The following WASHC5 variants were observed in gnomAD, a reference collection of about 807,000 sequenced individuals.
WASHC5 encodes the protein WASH complex subunit strumpellin.
A neutral mutation model predicts 150.4 loss-of-function variants in WASHC5; 101 were observed. The observed-to-expected ratio is 0.67, with a 90% CI of 0.57 to 0.79. The LOEUF (loss-of-function observed/expected upper bound fraction) is 0.79. Among genes scored for constraint, WASHC5 ranks in the 30% least tolerant of loss-of-function variants. The pLI is 0.00. For missense variants in WASHC5, 1,195 were observed against 1,396.3 expected, an observed-to-expected ratio of 0.86 and a Z score of 2.30; for synonymous variants, 467 against 491.2, an observed-to-expected ratio of 0.95 and a Z score of 0.65.
At position 125,076,424 on chromosome 8, in the gene WASHC5, T is replaced by G. The variant is rs202223127; in HGVS notation, c.788A>C (p.Tyr263Ser). The change falls in exon 7 of 29, where the codon TAC becomes TCC. Residue 263 changes from tyrosine to serine, a missense_variant. By Grantham distance (144) the Tyr-to-Ser change is moderately radical. Around this residue, in one of 3 missense-constraint regions of WASHC5, gnomAD observed 997 missense variants for 1,168.1 expected, o/e 0.85. Transcript: ENST00000318410. ...NQAAMLYVIL[Y>S]FEPSILHTHQ... is the part of the protein sequence containing the mutation. ...GGTGTGAAGGATGGAAGGCTCAAAG[T>G]AGAGAATCACGTACAGCATGGCAGC... The G allele has an allele frequency of 6.2e-7, 1 of 1,614,026 alleles. No homozygotes were observed. The highest frequency in any genetic ancestry group is 2.2e-5 in the East Asian group (1 of 44,874).
At position 125,058,731 on chromosome 8, in the gene WASHC5, AAAG is replaced by A. The variant is rs920677853; in HGVS notation, c.1764+488_1764+490del. Among the ~76,000 whole-genome samples the A allele has an allele frequency of 1.2e-3, 142 of 122,794 alleles. 3 individuals are homozygous for A. The highest frequency in any genetic ancestry group is 3.5e-3 in the African/African-American group (68 of 19,706). The allele number at this position is 122,794 out of a possible 152,430, so 80.6% of individuals were successfully genotyped here. ...AAGCGAGATTCCATCTCAAAAAAAA[AAAG>A]AAGAAGAAGAAGACACTGAGTAGAC... On this transcript the variant is annotated intron_variant, in intron 14 of 28. Coordinates refer to ENST00000318410, the MANE Select transcript of WASHC5 (RefSeq NM_014846.4).
intron 12 of WASHC5, among the ~76,000 whole-genome samples, chr8:125,060,439 T>C (rs1424203692): frequency 1.3e-5 from 2 of 150,372 alleles, no homozygotes; most frequent in African/African-American, 2.5e-5. Context: ...TGAGCCAAGA[T>C]TGTGCCCCTG....
rs6470334 is a variant in WASHC5 at position 125,078,442 on chromosome 8, T to C, written c.711+296A>G. Among the ~76,000 whole-genome samples, 19,688 of 152,206 alleles carry C rather than the reference T, an allele frequency of 0.13. 3,104 individuals are homozygous for C. Among genetic ancestry groups the C allele is most frequent in the African/African-American group, 0.38 (15,620 of 41,480 alleles). ...TTCTTCGGTGATGGGTCCCCAGCAT[T>C]GCGCATGTGAATGGGCACGTATCAC... is the stretch of plus-strand genomic sequence containing the variant. On this transcript the variant is annotated intron_variant, in intron 6 of 28. Transcript: ENST00000318410.
intron 7 of WASHC5, among the ~76,000 whole-genome samples, chr8:125,075,494 G>T (rs1817029233): frequency 6.6e-6 from 1 of 152,016 alleles, no homozygotes; most frequent in Non-Finnish European, 1.5e-5. Context: ...CATGTAATTG[G>T]ATTTTGGTCT....
At chr8:125,028,902 A>G (rs1004636755) in intron 27 of WASHC5, among the ~76,000 whole-genome samples, 195 bp from the exon 28 acceptor site, 1 of 152,200 alleles carries the variant, frequency 6.6e-6, no homozygotes, top group Non-Finnish European at 1.5e-5. Context: ...CCATAGGGTA[A>G]ATGTGAGCTT....
intron 17 of WASHC5, among the ~76,000 whole-genome samples, chr8:125,053,250 G>A (rs908434143): frequency 8.9e-4 from 135 of 152,158 alleles, no homozygotes; most frequent in African/African-American, 3.0e-3. Flanking sequence ...TTAAAGATCA[G>A]CGAGGGCCAC....
intron 1 of WASHC5, among the ~76,000 whole-genome samples, chr8:125,088,871 T>A (rs1817507417): frequency 6.6e-6 from 1 of 152,078 alleles, no homozygotes. Flanking sequence ...AAGCAGAGGT[T>A]ACAAGTAAGT....
intron 12 of WASHC5, 55 bp downstream of exon 12, chr8:125,061,027 G>T: frequency 1.1e-6 from 1 of 923,954 alleles, no homozygotes; most frequent in Non-Finnish European, 1.8e-6. Context: ...TGCTGGGTGG[G>T]TCATAAGGTG....
chr8:125,052,608 C>CCACACACACACACA (rs1554593103), intron 17 of WASHC5, among the ~76,000 whole-genome samples: 1 of 44,416 alleles, frequency 2.3e-5, no homozygotes, highest in Admixed American at 3.7e-4. Flanking sequence ...ATCACACACA[C>CCACACACACACACA]TACACACACA....
intron 15 of WASHC5, 86 bp from the exon 16 acceptor site, chr8:125,056,903 A>C (rs1007146259): frequency 1.3e-6 from 2 of 1,487,442 alleles, no homozygotes; most frequent in African/African-American, 1.4e-5. Context: ...TAATTTGTCT[A>C]TATAGGGGGA....
At chr8:125,027,865 G>T (rs546440270) in intron 28 of WASHC5, among the ~76,000 whole-genome samples, 1 of 152,090 alleles carries the variant, frequency 6.6e-6, no homozygotes, top group African/African-American at 2.4e-5. Context: ...TTATTGTCTT[G>T]CACCTGTATA....
intron 3 of WASHC5, 149 bp from the exon 4 acceptor site, chr8:125,082,616 T>C (rs1230468810): frequency 2.7e-5 from 17 of 629,766 alleles, no homozygotes; most frequent in Non-Finnish European, 1.4e-5. Context: ...AAGAATACAG[T>C]CTTATAAACT....
chr8:125,087,603 C>T (rs766212115), intron 1 of WASHC5, among the ~76,000 whole-genome samples: 13 of 151,858 alleles, frequency 8.6e-5, no homozygotes, highest in South Asian at 2.1e-4. Flanking sequence ...TATGGTGGTG[C>T]GAGCCTGTAG....
chr8:125,069,115 A>T (rs975875024), intron 9 of WASHC5, among the ~76,000 whole-genome samples: 2 of 152,164 alleles, frequency 1.3e-5, no homozygotes, highest in Admixed American at 1.3e-4. Flanking sequence ...TTGTGTTATG[A>T]GGGGTCCACC....
intron 20 of WASHC5, chr8:125,044,990 G>T (rs1022638661): frequency 4.0e-5 from 17 of 421,020 alleles, no homozygotes; most frequent in Non-Finnish European, 7.5e-5. Flanking sequence ...AGAAGACAAG[G>T]TTAGGTTCAG....
Position 125,073,291 on chromosome 8 carries a change from G to T in WASHC5, c.1012C>A (p.His338Asn). 1 of 1,613,894 alleles carries T rather than the reference G, an allele frequency of 6.2e-7. No individual in the cohort carries two copies. Among genetic ancestry groups the T allele is most frequent in the Non-Finnish European group, 8.5e-7 (1 of 1,179,808 alleles). ...SRYATVSERV[H>N]AQVQQFLKEG... ...TTTAGAAATTGCTGCACTTGAGCATGCACTCTTTCACTGACAGTAGCATAT... is the reference window on the plus strand; with the variant it reads ...TTTAGAAATTGCTGCACTTGAGCATTCACTCTTTCACTGACAGTAGCATAT... Residue 338 changes from histidine to asparagine, a missense_variant, in exon 9 of 29, where the codon CAT (histidine) becomes AAT (asparagine). His to Asn is a moderately conservative substitution (Grantham distance 68). Around this residue, in one of 3 missense-constraint regions of WASHC5, gnomAD observed 997 missense variants for 1,168.1 expected, o/e 0.85. Coordinates refer to ENST00000318410, the MANE Select transcript of WASHC5 (RefSeq NM_014846.4).
intron 23 of WASHC5, among the ~76,000 whole-genome samples, chr8:125,041,607 C>T (rs1476782972): frequency 6.6e-6 from 1 of 151,850 alleles, no homozygotes; most frequent in Non-Finnish European, 1.5e-5. Context: ...TGCCACTGCA[C>T]TCCAGCCCAG....
intron 14 of WASHC5, among the ~76,000 whole-genome samples, chr8:125,058,423 A>T (rs2130093490): frequency 6.6e-6 from 1 of 151,994 alleles, no homozygotes; most frequent in Middle Eastern, 3.4e-3. Flanking sequence ...CTCAGAATTG[A>T]TGTACATGGT....
At chr8:125,029,157 G>A (rs1034676814) in intron 27 of WASHC5, among the ~76,000 whole-genome samples, 25 of 151,612 alleles carry the variant, frequency 1.6e-4, no homozygotes, top group Admixed American at 7.9e-4. Context: ...TCAGCCTCCC[G>A]ACTGGCTGGG....
Sources: allele counts gnomAD v4.1 joint callset (sites outside exome capture counted in the v4.1 genomes callset), GRCh38; gene constraint gnomAD v4.1.1; regional missense constraint gnomAD v4.1.1; transcripts MANE v1.5; gene names NCBI Gene and HGNC (gene_info 2026-07-23, HGNC 2026-07-21).